Variants in CATSPERT observed in about 807,000 individuals in gnomAD.
CATSPERT encodes the protein cation channel sperm-associated targeting subunit tau.
chr2:201,597,113 G>A, the CATSPERT span, among the ~76,000 whole-genome samples: 2 of 152,086 alleles, frequency 1.3e-5, no homozygotes, highest in African/African-American at 4.8e-5. Flanking sequence ...GATTATGTTC[G>A]TCCTATAGAG....
At chr2:201,542,076 T>A in the CATSPERT span, among the ~76,000 whole-genome samples, 2 of 152,190 alleles carry the variant, frequency 1.3e-5, no homozygotes, top group African/African-American at 2.4e-5. Context: ...AAGTATTTTT[T>A]AATTAAGTCA....
chr2:201,594,294 T>C, the CATSPERT span, among the ~76,000 whole-genome samples: 1 of 152,218 alleles, frequency 6.6e-6, no homozygotes, highest in African/African-American at 2.4e-5. Context: ...TTTAAGAATG[T>C]TGAATATTGG....
chr2:201,610,382 T>A, the CATSPERT span, among the ~76,000 whole-genome samples: 3 of 150,530 alleles, frequency 2.0e-5, 1 homozygote, highest in South Asian at 6.3e-4. Flanking sequence ...GGCGTGAACC[T>A]GGGAGGCAGA....
the CATSPERT span, among the ~76,000 whole-genome samples, chr2:201,543,932 A>G: frequency 6.6e-6 from 1 of 152,114 alleles, no homozygotes; most frequent in Non-Finnish European, 1.5e-5. Flanking sequence ...ATATGTATAC[A>G]TGTGCCATGT....
chr2:201,600,667 A>C, the CATSPERT span, among the ~76,000 whole-genome samples: 1 of 152,190 alleles, frequency 6.6e-6, no homozygotes, highest in Non-Finnish European at 1.5e-5. Context: ...AGAGGAGAAA[A>C]GGCTTTAGGA....
the CATSPERT span, among the ~76,000 whole-genome samples, chr2:201,526,723 A>G: frequency 6.6e-6 from 1 of 152,346 alleles, no homozygotes; most frequent in African/African-American, 2.4e-5. Context: ...ACATCCCTGC[A>G]TGTCAAAAAC....
At chr2:201,580,399 TG>T in the CATSPERT span, among the ~76,000 whole-genome samples, 9 of 152,240 alleles carry the variant, frequency 5.9e-5, no homozygotes, top group Non-Finnish European at 1.3e-4. Flanking sequence ...TGCTAAATAT[TG>T]ACTGAATTAA....
chr2:201,580,644 T>C, the CATSPERT span, among the ~76,000 whole-genome samples: 20 of 152,242 alleles, frequency 1.3e-4, no homozygotes, highest in Non-Finnish European at 2.6e-4. Context: ...CCCTGCAATC[T>C]GGCTGTTGAC....
chr2:201,491,591 T>C, the CATSPERT span: 1 of 1,537,198 alleles, frequency 6.5e-7, no homozygotes, highest in Non-Finnish European at 8.7e-7. Context: ...CCAGTCTCTG[T>C]ATTGAAATGA....
chr2:201,613,485 C>G, the CATSPERT span, among the ~76,000 whole-genome samples: 2 of 152,234 alleles, frequency 1.3e-5, no homozygotes, highest in East Asian at 3.9e-4. Context: ...CTGCAGCTGA[C>G]GGTCCTGACT....
chr2:201,587,648 C>T, the CATSPERT span, among the ~76,000 whole-genome samples: 11 of 152,178 alleles, frequency 7.2e-5, no homozygotes, highest in Non-Finnish European at 1.5e-4. Flanking sequence ...TTGAATGGGA[C>T]GTACATATGT....
At chr2:201,609,192 T>C in the CATSPERT span, among the ~76,000 whole-genome samples, 1 of 152,172 alleles carries the variant, frequency 6.6e-6, no homozygotes, top group Non-Finnish European at 1.5e-5. Flanking sequence ...CTCAGATATA[T>C]AAATAGTATT....
At chr2:201,544,824 A>C in the CATSPERT span, among the ~76,000 whole-genome samples, 1 of 52,762 alleles carries the variant, frequency 1.9e-5, no homozygotes, top group Admixed American at 2.7e-4. Flanking sequence ...GTCTCTACAA[A>C]AAAAAAAAAA....
At chr2:201,601,824 C>T in the CATSPERT span, 3 of 1,610,310 alleles carry the variant, frequency 1.9e-6, no homozygotes, top group East Asian at 4.5e-5. Context: ...CATTTTTGTA[C>T]ATTTCACAGC....
At chr2:201,513,545 G>C in the CATSPERT span, among the ~76,000 whole-genome samples, 1 of 152,148 alleles carries the variant, frequency 6.6e-6, no homozygotes, top group Non-Finnish European at 1.5e-5. Context: ...ACTGAAAATA[G>C]AACTACAATT....
chr2:201,599,071 A>C, the CATSPERT span, among the ~76,000 whole-genome samples: 2 of 149,346 alleles, frequency 1.3e-5, no homozygotes, highest in South Asian at 2.2e-4. Flanking sequence ...CTCTCCCCTC[A>C]CTCCTGTCCT....
At chr2:201,508,631 C>A in the CATSPERT span, among the ~76,000 whole-genome samples, 6 of 152,232 alleles carry the variant, frequency 3.9e-5, no homozygotes, top group Non-Finnish European at 8.8e-5. Flanking sequence ...ATAATCCTAG[C>A]ACTTTGGGAG....
At chr2:201,591,253 A>G in the CATSPERT span, among the ~76,000 whole-genome samples, 25 of 152,226 alleles carry the variant, frequency 1.6e-4, no homozygotes, top group South Asian at 5.2e-3. Context: ...TCCTTTCCCC[A>G]TTGCTTGTTT....
chr2:201,557,368 T>A, the CATSPERT span: 1 of 152,202 alleles, frequency 6.6e-6, no homozygotes, highest in Admixed American at 6.5e-5. Context: ...GATGCAAGTA[T>A]AGCATCCCTC....
Sources: gnomAD v4.1 joint callset for allele counts (sites outside exome capture counted in the v4.1 genomes callset) on GRCh38, gnomAD v4.1.1 for gene constraint, MANE v1.5 for transcripts, NCBI Gene and HGNC (gene_info 2026-07-23, HGNC 2026-07-21) for gene names.